Variants in TRIM42 observed in about 807,000 individuals in gnomAD.
TRIM42 encodes tripartite motif containing 42, also known as tripartite motif-containing protein 42.
In TRIM42, 59 loss-of-function variants were observed where a neutral mutation model predicts 64.9. The ratio of observed to expected loss-of-function variants is 0.91; its 90% CI spans 0.74 to 1.13. The LOEUF is 1.13. Among genes scored for constraint, TRIM42 ranks in the 50% most tolerant of loss-of-function variants. The pLI is 0.00. For synonymous variants in TRIM42, 354 were observed against 346.3 expected (o/e 1.02, Z -0.25); for missense variants, 878 against 929.5 (o/e 0.94, Z 0.72).
Position 140,678,527 on chromosome 3 carries a change from A to G in TRIM42, c.298A>G (p.Ile100Val). The part of the protein sequence containing the change: ...YYESRCCRNT[I>V]ITFHKGRLRS... Reference sequence around the variant, plus strand: ...TGAGAGCCGCTGCTGCCGCAATACCATCATCACTTTCCACAAGGGCCGCCT... The same window carrying G: ...TGAGAGCCGCTGCTGCCGCAATACCGTCATCACTTTCCACAAGGGCCGCCT... Residue 100 changes from isoleucine (I) to valine (V), a missense_variant, in exon 1 of 5, where the codon ATC becomes GTC. Coordinates refer to ENST00000286349, the MANE Select transcript of TRIM42 (RefSeq NM_152616.5). 1 of 1,614,024 alleles carries G rather than the reference A, an allele frequency of 6.2e-7. No homozygotes were observed. Among genetic ancestry groups the G allele is most frequent in the Non-Finnish European group, 8.5e-7 (1 of 1,179,942 alleles).
chr3:140,684,241 C>T (rs1024405030), intron 2 of TRIM42, among the ~76,000 whole-genome samples: 2 of 152,160 alleles, frequency 1.3e-5, no homozygotes, highest in African/African-American at 4.8e-5. Context: ...GTGGCAGATG[C>T]AGTCTATTTG....
Position 140,691,116 on chromosome 3 carries a change from C to G in TRIM42, c.2009C>G (p.Thr670Ser). 1 of 1,614,112 alleles carries G rather than the reference C, an allele frequency of 6.2e-7. No homozygotes were observed. The highest frequency in any genetic ancestry group is 1.7e-5 in the Admixed American group (1 of 60,014). Residue 670 changes from threonine to serine, a missense_variant, in exon 4 of 5, where the codon ACC (threonine) becomes AGC (serine). By Grantham distance (58) the Thr-to-Ser change is moderately conservative (BLOSUM62 1). Coordinates refer to ENST00000286349, the MANE Select transcript of TRIM42 (RefSeq NM_152616.5). ...CAAAATCTGGAGCTGCACAACCTGA[C>G]CCCCAACACAGAATACGTGTTTAAA... ...MQQNLELHNL[T>S]PNTEYVFKVR...
At chr3:140,699,923 T>C (rs553669657) in intron 4 of TRIM42, among the ~76,000 whole-genome samples, 32 of 152,334 alleles carry the variant, frequency 2.1e-4, no homozygotes, top group African/African-American at 7.5e-4. Flanking sequence ...TTTCCCTTTA[T>C]ATACAAATAT....
Position 140,678,537 on chromosome 3 carries a change from TCCA to T in TRIM42, c.310_312del (p.His104del), listed in dbSNP as rs767019564. 5.6e-6 allele frequency: 9 copies of T among 1,613,894 alleles called. No homozygotes were observed. The highest frequency in any genetic ancestry group is 1.7e-6 in the Non-Finnish European group (2 of 1,179,890). On this transcript the variant is annotated inframe_deletion, in exon 1 of 5. Transcript: ENST00000286349. ...TGCTGCCGCAATACCATCATCACTTTCCACAAGGGCCGCCTCAGGAGCATCCAT... is the reference window on the plus strand; with the variant it reads ...TGCTGCCGCAATACCATCATCACTTTCAAGGGCCGCCTCAGGAGCATCCAT...
Position 140,701,037 on chromosome 3 carries a change from A to G in TRIM42, c.*63A>G, listed in dbSNP as rs888718307. 16 of 1,368,112 alleles carry G rather than the reference A, an allele frequency of 1.2e-5. No homozygotes were observed. Among genetic ancestry groups the G allele is most frequent in the African/African-American group, 7.3e-5 (5 of 68,730 alleles). 84.7% of individuals were successfully genotyped at this position (1,368,112 alleles called of 1,614,324 possible). ...AAAGTAGACATATACACACACATATATGTATGTATATTTTTCTCACCACAT... is the reference window on the plus strand; with the variant it reads ...AAAGTAGACATATACACACACATATGTGTATGTATATTTTTCTCACCACAT... On this transcript the variant is annotated 3_prime_UTR_variant, in exon 5 of 5. Transcript: ENST00000286349.
At chr3:140,694,253 G>T (rs1022469149) in intron 4 of TRIM42, among the ~76,000 whole-genome samples, 16 of 152,218 alleles carry the variant, frequency 1.1e-4, no homozygotes, top group Non-Finnish European at 1.0e-4. Context: ...ATTTGGTCTT[G>T]TGTACCTGGA....
Position 140,688,473 on chromosome 3 carries a change from C to G in TRIM42, c.1791C>G (p.Asn597Lys). The change falls in exon 3 of 5, where the codon AAC (asparagine) becomes AAG (lysine). Residue 597 changes from asparagine (N) to lysine (K), a missense_variant. By Grantham distance (94) the Asn-to-Lys change is moderately conservative. Transcript: ENST00000286349. ...SSSFHNWYSF[N>K]DGSVKTPGPI... is the part of the protein sequence containing the mutation. Reference sequence around the variant, plus strand: ...GCTTCCACAACTGGTACTCATTCAACGATGGCTCTGTGAAGACCCCAGGCC... The same window carrying G: ...GCTTCCACAACTGGTACTCATTCAAGGATGGCTCTGTGAAGACCCCAGGCC... 1 of 1,614,168 alleles carries G rather than the reference C, an allele frequency of 6.2e-7. No homozygotes were observed. Among genetic ancestry groups the G allele is most frequent in the South Asian group, 1.1e-5 (1 of 91,076 alleles).
chr3:140,691,920 G>T (rs572269207), intron 4 of TRIM42, among the ~76,000 whole-genome samples: 1 of 151,976 alleles, frequency 6.6e-6, no homozygotes, highest in Non-Finnish European at 1.5e-5. Context: ...AACCATAAGG[G>T]TGTTCTTTGG....
At position 140,691,111 on chromosome 3, in the gene TRIM42, C is replaced by A. The variant is rs1302800585; in HGVS notation, c.2004C>A (p.Asn668Lys). ...TGCAGCAAAATCTGGAGCTGCACAA[C>A]CTGACCCCCAACACAGAATACGTGT... The part of the protein sequence containing the change: ...DIMQQNLELH[N>K]LTPNTEYVFK... Residue 668 changes from asparagine (N) to lysine (K), a missense_variant, in exon 4 of 5, where the codon AAC (asparagine) becomes AAA (lysine). By Grantham distance (94) the Asn-to-Lys change is moderately conservative (BLOSUM62 0). Coordinates refer to ENST00000286349, the MANE Select transcript of TRIM42 (RefSeq NM_152616.5). The A allele has an allele frequency of 6.2e-7, 1 of 1,614,002 alleles. No individual in the cohort carries two copies. The highest frequency in any genetic ancestry group is 1.3e-5 in the African/African-American group (1 of 74,914).
rs768047102 is a variant in TRIM42, at chr3:140,687,955, G to A, written c.1273G>A (p.Gly425Ser). 5.6e-6 allele frequency: 9 copies of A among 1,614,146 alleles called. No individual in the cohort carries two copies. The highest frequency in any genetic ancestry group is 7.6e-6 in the Non-Finnish European group (9 of 1,180,008). Residue 425 changes from glycine to serine, a missense_variant, in exon 3 of 5, where the codon GGT (glycine) becomes AGT (serine). Transcript: ENST00000286349. ...VTTMKVNEMDGLIAYSKEALK... is the reference protein window; with the variant it reads ...VTTMKVNEMDSLIAYSKEALK... ...AACCATGAAAGTGAACGAGATGGAT[G>A]GTCTGATCGCCTACTCCAAGGAAGC... is the stretch of plus-strand genomic sequence containing the variant.
At chr3:140,699,235 G>T (rs535730733) in intron 4 of TRIM42, among the ~76,000 whole-genome samples, 1 of 152,048 alleles carries the variant, frequency 6.6e-6, no homozygotes, top group Non-Finnish European at 1.5e-5. Flanking sequence ...CAGTTAGCTC[G>T]TATTTTATTT....
At chr3:140,681,171 G>C (rs1483212235) in intron 1 of TRIM42, among the ~76,000 whole-genome samples, 3 of 152,200 alleles carry the variant, frequency 2.0e-5, no homozygotes, top group African/African-American at 4.8e-5. Context: ...TCAGGCATTA[G>C]ACAAATGGAG....
At chr3:140,691,281 A>T (rs1392640488) in intron 4 of TRIM42, 89 bp downstream of exon 4, 1 of 1,106,472 alleles carries the variant, frequency 9.0e-7, no homozygotes, top group African/African-American at 1.6e-5. Context: ...AGATTATAGA[A>T]CTCACTATGG....
chr3:140,680,823 A>T (rs537142034), intron 1 of TRIM42: 2 of 398,594 alleles, frequency 5.0e-6, no homozygotes, highest in Non-Finnish European at 6.8e-6. Flanking sequence ...GGGCCACTCC[A>T]TTCCAATATA....
Position 140,683,087 on chromosome 3 carries a change from A to G in TRIM42, c.967A>G (p.Thr323Ala). 6.2e-7 allele frequency: 1 copy of G among 1,614,172 alleles called. No homozygotes were observed. The highest frequency in any genetic ancestry group is 8.5e-7 in the Non-Finnish European group (1 of 1,180,022). The change falls in exon 2 of 5, where the codon ACC becomes GCC. Residue 323 changes from threonine to alanine, a missense_variant. By Grantham distance (58) the Thr-to-Ala change is moderately conservative. Coordinates refer to ENST00000286349, the MANE Select transcript of TRIM42 (RefSeq NM_152616.5). ...GTTCTCTTTCCACAATGGCCACGAC[A>G]CCATTAGCCTCATCGACGCCTGCTC... is the stretch of plus-strand genomic sequence containing the variant. ...CKFSFHNGHD[T>A]ISLIDACSER...
At chr3:140,681,172 A>G (rs1988384110) in intron 1 of TRIM42, among the ~76,000 whole-genome samples, 1 of 152,244 alleles carries the variant, frequency 6.6e-6, no homozygotes, top group African/African-American at 2.4e-5. Flanking sequence ...CAGGCATTAG[A>G]CAAATGGAGA....
At position 140,682,507 on chromosome 3, in the gene TRIM42, T is replaced by C. The variant is rs761676996; in HGVS notation, c.387T>C (p.Asp129=). Residue 129 remains aspartate (D), a synonymous_variant, in exon 2 of 5, where the codon GAT becomes GAC. Coordinates refer to ENST00000286349, the MANE Select transcript of TRIM42 (RefSeq NM_152616.5). The part of the protein sequence containing the change: ...LRTGSSDTQV[D]EVKSIPANSH... ...CTGGGAGCAGCGATACCCAGGTGGA[T>C]GAAGTAAAGTCAATACCAGCCAACA... 6 of 1,614,026 alleles carry C rather than the reference T, an allele frequency of 3.7e-6. No individual in the cohort carries two copies. In the East Asian group the frequency reaches 1.1e-4, roughly 30 times the overall value.
At chr3:140,680,031 C>A (rs1988332693) in intron 1 of TRIM42, among the ~76,000 whole-genome samples, 1 of 151,970 alleles carries the variant, frequency 6.6e-6, no homozygotes, top group African/African-American at 2.4e-5. Flanking sequence ...ATAGGTGGTA[C>A]AGTAAGAATC....
rs74696275 is a variant in TRIM42 at position 140,700,160 on chromosome 3, A to G, written c.2086-728A>G. ...GACCACAGTAGTGAAGAAACCCAGTATCTTCAAGGTAAGGCATGGAGGGCA... is the reference window on the plus strand; with the variant it reads ...GACCACAGTAGTGAAGAAACCCAGTGTCTTCAAGGTAAGGCATGGAGGGCA... On this transcript the variant is annotated intron_variant, in intron 4 of 4. Coordinates refer to ENST00000286349, the MANE Select transcript of TRIM42 (RefSeq NM_152616.5). 8.2e-3 allele frequency among the ~76,000 whole-genome samples: 1,254 copies of G among 152,292 alleles called. 17 individuals are homozygous for G. Among genetic ancestry groups the G allele is most frequent in the African/African-American group, 0.029 (1,198 of 41,560 alleles).
Sources: allele counts gnomAD v4.1 joint callset (sites outside exome capture counted in the v4.1 genomes callset), GRCh38; gene constraint gnomAD v4.1.1; transcripts MANE v1.5; gene names NCBI Gene and HGNC (gene_info 2026-07-23, HGNC 2026-07-21).